Variants in CADPS2 observed in about 807,000 individuals in gnomAD.
CADPS2 encodes the protein calcium dependent secretion activator 2.
A neutral mutation model predicts 172.5 loss-of-function variants in CADPS2; 93 were observed. The observed-to-expected ratio is 0.54, with a 90% confidence interval of 0.46 to 0.64. CADPS2 has a LOEUF of 0.64. CADPS2 is among the 30% of genes least tolerant of loss of function. The pLI is 0.00. For missense variants in CADPS2, 1,420 were observed against 1,565.9 expected (o/e 0.91, Z 1.57); for synonymous variants, 546 against 555.2 (o/e 0.98, Z 0.23).
chr7:122,605,152 T>C (rs1358145387), intron 6 of CADPS2, among the ~76,000 whole-genome samples: 1 of 152,106 alleles, frequency 6.6e-6, no homozygotes, highest in Non-Finnish European at 1.5e-5. Context: ...TAAACATGTA[T>C]AGGGCACTTA....
intron 2 of CADPS2, among the ~76,000 whole-genome samples, chr7:122,699,318 C>T (rs1481524184): frequency 1.3e-5 from 2 of 152,128 alleles, no homozygotes; most frequent in Non-Finnish European, 2.9e-5. Context: ...TAGTAGATAG[C>T]ACATTAAACT....
rs188513294 is a variant in CADPS2 at position 122,644,692 on chromosome 7, C to A, written c.787-15364G>T. 2.0e-5 allele frequency among the ~76,000 whole-genome samples: 3 copies of A among 152,192 alleles called. No homozygotes were observed. In the East Asian group the frequency reaches 5.8e-4, roughly 29 times the overall value. On this transcript the variant is annotated intron_variant, in intron 3 of 29. Transcript: ENST00000449022. ...ATAAAAACTGGTCCTTTTTCTTAATCATTGAGAATTAGCTAACAACTATAA... is the reference window on the plus strand; with the variant it reads ...ATAAAAACTGGTCCTTTTTCTTAATAATTGAGAATTAGCTAACAACTATAA...
intron 4 of CADPS2, among the ~76,000 whole-genome samples, chr7:122,622,723 G>C (rs1430232328): frequency 6.6e-6 from 1 of 152,154 alleles, no homozygotes; most frequent in Admixed American, 6.6e-5. Flanking sequence ...CACAGAACCG[G>C]CTGGAGGATG....
intron 2 of CADPS2, among the ~76,000 whole-genome samples, chr7:122,733,822 T>C (rs546995400): frequency 2.6e-5 from 4 of 152,190 alleles, no homozygotes; most frequent in Non-Finnish European, 5.9e-5. Context: ...GGGAACCTAG[T>C]GCAAAATCTT....
chr7:122,452,757 T>G (rs981142975), intron 14 of CADPS2, among the ~76,000 whole-genome samples: 1 of 152,184 alleles, frequency 6.6e-6, no homozygotes, highest in Non-Finnish European at 1.5e-5. Flanking sequence ...ATCATTCCAA[T>G]GTACTAATTT....
At position 122,574,652 on chromosome 7, in the gene CADPS2, AC is replaced by A. The variant is rs1447619868; in HGVS notation, c.1335+6526del. ...GTACATGATTTAAAAGAAAAAAAAA[AC>A]ATATTGGTGCTGTGGGGGAAATTTT... On this transcript the variant is annotated intron_variant, in intron 7 of 29. Transcript: ENST00000449022. Among the ~76,000 whole-genome samples, 125 of 151,814 alleles carry A rather than the reference AC, an allele frequency of 8.2e-4. 1 individual carries two copies. The highest frequency in any genetic ancestry group is 2.6e-4 in the Non-Finnish European group (18 of 67,934).
rs138122294 is a variant in CADPS2, at chr7:122,654,258, G to A, written c.786+8979C>T. Among the ~76,000 whole-genome samples the A allele has an allele frequency of 2.7e-3, 411 of 152,332 alleles. 1 individual carries two copies. The highest frequency in any genetic ancestry group is 8.8e-3 in the African/African-American group (368 of 41,584). ...AGAAGCTGCAGTAAGTTATCCAGAA[G>A]ATCTAGCTAAGATCATTGATGAAAG... On this transcript the variant is annotated intron_variant, in intron 3 of 29. Transcript: ENST00000449022.
intron 8 of CADPS2, among the ~76,000 whole-genome samples, chr7:122,524,458 T>C (rs1048565561): frequency 6.6e-6 from 1 of 152,180 alleles, no homozygotes; most frequent in African/African-American, 2.4e-5. Context: ...TACAGTGTTT[T>C]CCACAGTGTG....
At chr7:122,847,628 G>A (rs766713737) in intron 1 of CADPS2, among the ~76,000 whole-genome samples, 1 of 151,592 alleles carries the variant, frequency 6.6e-6, no homozygotes, top group Non-Finnish European at 1.5e-5. Flanking sequence ...ATTAACAACA[G>A]TTCTATGGGA....
intron 1 of CADPS2, among the ~76,000 whole-genome samples, chr7:122,856,957 C>T (rs552973136): frequency 1.1e-4 from 17 of 152,304 alleles, no homozygotes; most frequent in Admixed American, 4.6e-4. Context: ...GTATACACTT[C>T]TAATATAATA....
chr7:122,850,296 G>T, intron 1 of CADPS2: 1 of 590,410 alleles, frequency 1.7e-6, no homozygotes, highest in East Asian at 3.7e-5. Context: ...CTCCTTTCAG[G>T]GGATGAAGAC....
intron 2 of CADPS2, among the ~76,000 whole-genome samples, chr7:122,731,725 A>T (rs2091662722): frequency 6.6e-6 from 1 of 151,720 alleles, no homozygotes; most frequent in Non-Finnish European, 1.5e-5. Context: ...GCAGAATCAA[A>T]CAACAATTAG....
At chr7:122,772,233 T>A (rs559231312) in intron 1 of CADPS2, among the ~76,000 whole-genome samples, 1 of 152,312 alleles carries the variant, frequency 6.6e-6, no homozygotes, top group South Asian at 2.1e-4. Context: ...AGATTAAAAG[T>A]GAATCAATTA....
chr7:122,407,409 C>A, intron 20 of CADPS2, 131 bp downstream of exon 20: 1 of 968,212 alleles, frequency 1.0e-6, no homozygotes, highest in South Asian at 1.7e-5. Flanking sequence ...ATCGGGCAGG[C>A]TGAGCAAACC....
chr7:122,489,506 G>C (rs2058103905), intron 11 of CADPS2, among the ~76,000 whole-genome samples: 1 of 152,042 alleles, frequency 6.6e-6, no homozygotes, highest in Admixed American at 6.6e-5. Context: ...TAATTATTAA[G>C]CATCAGTCAT....
At chr7:122,647,123 C>T (rs1477020005) in intron 3 of CADPS2, among the ~76,000 whole-genome samples, 6 of 151,992 alleles carry the variant, frequency 3.9e-5, no homozygotes, top group African/African-American at 1.2e-4. Flanking sequence ...TGACACAGTG[C>T]GAAACGAGGA....
At chr7:122,611,490 AAC>A (rs901805511) in intron 6 of CADPS2, among the ~76,000 whole-genome samples, 4 of 152,062 alleles carry the variant, frequency 2.6e-5, no homozygotes, top group African/African-American at 7.2e-5. Flanking sequence ...AATGGCAAAA[AAC>A]ACAATTACTT....
intron 22 of CADPS2, among the ~76,000 whole-genome samples, chr7:122,391,099 A>G (rs1187387021): frequency 1.3e-5 from 2 of 152,052 alleles, no homozygotes; most frequent in Non-Finnish European, 2.9e-5. Context: ...TTAAATATAA[A>G]TGTTTCTTTT....
chr7:122,793,529 G>A (rs1474111019), intron 1 of CADPS2, among the ~76,000 whole-genome samples: 1 of 152,176 alleles, frequency 6.6e-6, no homozygotes, highest in Non-Finnish European at 1.5e-5. Context: ...GTCACTGCAT[G>A]TGAGATGGGT....
Sources: gnomAD v4.1 joint callset for allele counts (sites outside exome capture counted in the v4.1 genomes callset) on GRCh38, gnomAD v4.1.1 for gene constraint, MANE v1.5 for transcripts, NCBI Gene and HGNC (gene_info 2026-07-23, HGNC 2026-07-21) for gene names.